Variants in LRP1B observed in about 807,000 individuals in gnomAD.
LRP1B encodes the protein LDL receptor related protein 1B.
A neutral mutation model predicts 556.6 loss-of-function variants in LRP1B; 217 were observed. The observed-to-expected ratio is 0.39, with a 90% CI of 0.35 to 0.44. LRP1B has a LOEUF of 0.44. LRP1B is among the 20% of genes least tolerant of loss of function. The pLI is 1.00. For synonymous variants in LRP1B, 2,047 were observed against 1,865.8 expected, an observed-to-expected ratio of 1.10 and a Z score of -2.50; for missense variants, 5,053 against 5,620.8, an observed-to-expected ratio of 0.90 and a Z score of 3.23.
intron 3 of LRP1B, among the ~76,000 whole-genome samples, chr2:141,397,707 T>A (rs535167598): frequency 5.3e-4 from 81 of 151,856 alleles, no homozygotes; most frequent in African/African-American, 1.9e-3. Context: ...GTGGTAGTGA[T>A]AAAAAGTACA....
chr2:141,967,395 A>C (rs969184165), intron 1 of LRP1B, among the ~76,000 whole-genome samples: 1 of 151,878 alleles, frequency 6.6e-6, no homozygotes, highest in African/African-American at 2.4e-5. Flanking sequence ...GTAATGCTTA[A>C]AAGTGTTTCA....
At chr2:142,044,255 G>T (rs1382934266) in intron 1 of LRP1B, among the ~76,000 whole-genome samples, 1 of 151,756 alleles carries the variant, frequency 6.6e-6, no homozygotes, top group African/African-American at 2.4e-5. Context: ...CTATCCGTGG[G>T]TGAATTTCTA....
At chr2:141,475,190 T>C (rs1349867969) in intron 3 of LRP1B, among the ~76,000 whole-genome samples, 2 of 152,064 alleles carry the variant, frequency 1.3e-5, no homozygotes, top group Admixed American at 6.5e-5. Context: ...TTGGCCAACA[T>C]GGTGAAACCC....
chr2:141,686,151 C>T (rs531179951), intron 2 of LRP1B, among the ~76,000 whole-genome samples: 1 of 152,046 alleles, frequency 6.6e-6, no homozygotes, highest in South Asian at 2.1e-4. Flanking sequence ...AATAATCTCT[C>T]ATAGATGCAA....
intron 5 of LRP1B, among the ~76,000 whole-genome samples, chr2:141,246,176 A>G (rs1328120361): frequency 6.6e-6 from 1 of 152,232 alleles, no homozygotes; most frequent in Non-Finnish European, 1.5e-5. Flanking sequence ...TGTAGAGGGT[A>G]TATACCATGA....
At chr2:141,630,202 A>C (rs1484995436) in intron 2 of LRP1B, among the ~76,000 whole-genome samples, 1 of 152,180 alleles carries the variant, frequency 6.6e-6, no homozygotes, top group East Asian at 1.9e-4. Flanking sequence ...CACACACAGG[A>C]AACTACAGGT....
chr2:140,345,427 A>C (rs1681600901), intron 77 of LRP1B, among the ~76,000 whole-genome samples: 1 of 151,082 alleles, frequency 6.6e-6, no homozygotes, highest in African/African-American at 2.4e-5. Flanking sequence ...ATATCTTCTT[A>C]TTTATTTTCT....
At chr2:140,316,010 A>C (rs1202063773) in intron 82 of LRP1B, among the ~76,000 whole-genome samples, 1 of 152,162 alleles carries the variant, frequency 6.6e-6, no homozygotes, top group Non-Finnish European at 1.5e-5. Flanking sequence ...AGAATAAAAA[A>C]GGTTGGACAT....
rs1181785876 is a variant in LRP1B, at chr2:140,450,611, G to A, written c.10014C>T (p.Thr3338=). 8 of 1,612,842 alleles carry A rather than the reference G, an allele frequency of 5.0e-6. No homozygotes were observed. Among genetic ancestry groups the A allele is most frequent in the East Asian group, 2.2e-5 (1 of 44,822 alleles). The change falls in exon 63 of 91, where the codon ACC becomes ACT. Residue 3338 remains threonine (T), a synonymous_variant. Transcript: ENST00000389484. ...KCIPFWWKCD[T]VDDCGDGSDE... Reference sequence around the variant, plus strand: ...CAGATCCATCACCACAGTCATCCACGGTGTCACATTTCCACCAGAATGGAA... The same window carrying A: ...CAGATCCATCACCACAGTCATCCACAGTGTCACATTTCCACCAGAATGGAA...
intron 8 of LRP1B, among the ~76,000 whole-genome samples, chr2:141,060,942 C>A: frequency 6.6e-6 from 1 of 151,864 alleles, no homozygotes; most frequent in South Asian, 2.1e-4. Flanking sequence ...AGAATAAACA[C>A]TTCAGGCTTT....
At chr2:142,129,029 C>A (rs1311254661) in intron 1 of LRP1B, among the ~76,000 whole-genome samples, 1 of 152,188 alleles carries the variant, frequency 6.6e-6, no homozygotes, top group Non-Finnish European at 1.5e-5. Flanking sequence ...GAGACTCAAT[C>A]AGGAAGAGCC....
At chr2:141,708,190 C>T (rs926667378) in intron 2 of LRP1B, among the ~76,000 whole-genome samples, 16 of 151,610 alleles carry the variant, frequency 1.1e-4, no homozygotes, top group South Asian at 4.2e-4. Context: ...CAAACCTGCA[C>T]GTCCGCACAT....
intron 3 of LRP1B, among the ~76,000 whole-genome samples, chr2:141,381,153 G>A (rs879470613): frequency 3.9e-5 from 6 of 152,004 alleles, no homozygotes; most frequent in South Asian, 2.1e-4. Flanking sequence ...AAAAATGCTC[G>A]CTGAGTTCAG....
At chr2:141,227,048 A>T (rs939416688) in intron 6 of LRP1B, among the ~76,000 whole-genome samples, 1 of 152,180 alleles carries the variant, frequency 6.6e-6, no homozygotes, top group Non-Finnish European at 1.5e-5. Context: ...CAACAACAAC[A>T]ACAACAAAAT....
rs150800776 is a variant in LRP1B, at chr2:142,093,652, C to T, written c.82+36996G>A. 2.0e-5 allele frequency among the ~76,000 whole-genome samples: 3 copies of T among 152,098 alleles called. No homozygotes were observed. In the East Asian group the frequency reaches 5.8e-4, roughly 30 times the overall value. The stretch of plus-strand genomic sequence containing the variant: ...TAAACCGGATTTCCAAGAAAGTGTG[C>T]ATGTGCGTGGGTTTTAGATGCACAG... On this transcript the variant is annotated intron_variant, in intron 1 of 90. Coordinates refer to ENST00000389484, the MANE Select transcript of LRP1B (RefSeq NM_018557.3).
chr2:141,636,019 A>G (rs1405765151), intron 2 of LRP1B, among the ~76,000 whole-genome samples: 6 of 152,120 alleles, frequency 3.9e-5, no homozygotes, highest in Non-Finnish European at 8.8e-5. Flanking sequence ...TCCTTGTCTT[A>G]ATTTTGCAGT....
intron 7 of LRP1B, among the ~76,000 whole-genome samples, chr2:141,169,736 A>G (rs1031416246): frequency 2.0e-5 from 3 of 150,970 alleles, no homozygotes; most frequent in Non-Finnish European, 4.4e-5. Flanking sequence ...TGGAGACAAG[A>G]TATGAGAACG....
intron 2 of LRP1B, among the ~76,000 whole-genome samples, chr2:141,600,262 C>A (rs1227734571): frequency 6.6e-6 from 1 of 152,112 alleles, no homozygotes; most frequent in Non-Finnish European, 1.5e-5. Context: ...AAATGCAATA[C>A]CCAAGTCCCT....
chr2:141,121,136 A>G (rs1310520329), intron 7 of LRP1B, among the ~76,000 whole-genome samples: 3 of 152,002 alleles, frequency 2.0e-5, no homozygotes, highest in Non-Finnish European at 4.4e-5. Flanking sequence ...TGTAAATCTC[A>G]GTTTCCTCAT....
Sources: allele counts gnomAD v4.1 joint callset (sites outside exome capture counted in the v4.1 genomes callset), GRCh38; gene constraint gnomAD v4.1.1; transcripts MANE v1.5; gene names NCBI Gene and HGNC (gene_info 2026-07-23, HGNC 2026-07-21).